MMP26: variants seen among roughly 807,000 people sequenced by gnomAD.
MMP26 encodes the protein matrix metalloproteinase-26.
A neutral mutation model predicts 31.0 loss-of-function variants in MMP26; 33 were observed. That is an observed-to-expected ratio of 1.06 (90% CI 0.81 to 1.42). The LOEUF (loss-of-function observed/expected upper bound fraction) is 1.42. MMP26 is among the 40% of genes most tolerant of loss of function. The pLI is 0.00. For synonymous variants in MMP26, 122 were observed against 114.9 expected (o/e 1.06, Z -0.40); for missense variants, 347 against 316.1 (o/e 1.10, Z -0.74).
At chr11:4,731,821 T>G (rs2133284465) in intron 1 of MMP26, among the ~76,000 whole-genome samples, 1 of 152,334 alleles carries the variant, frequency 6.6e-6, no homozygotes, top group African/African-American at 2.4e-5. Context: ...TGTGTTCATG[T>G]TTTTGTAGGT....
intron 2 of MMP26, among the ~76,000 whole-genome samples, chr11:4,941,062 AT>A (rs1194470759): frequency 6.6e-5 from 3 of 45,198 alleles, no homozygotes; most frequent in African/African-American, 2.0e-4. Context: ...ATAAAGAATG[AT>A]TTTTTAATAT....
intron 2 of MMP26, chr11:4,804,612 G>A: frequency 1.4e-6 from 1 of 713,998 alleles, no homozygotes; most frequent in South Asian, 1.4e-5. Context: ...AAATGGGGTA[G>A]AACATACTAG....
intron 2 of MMP26, among the ~76,000 whole-genome samples, chr11:4,797,716 A>C (rs1231769190): frequency 6.6e-6 from 1 of 152,224 alleles, no homozygotes; most frequent in Admixed American, 6.5e-5. Context: ...TTTATTTTTT[A>C]ATATTTCCCT....
rs201864726 is a variant in MMP26 at position 4,907,830 on chromosome 11, T to C, written c.-144-80238T>C. The C allele has an allele frequency of 2.9e-4, 471 of 1,613,734 alleles. No homozygotes were observed. The highest frequency in any genetic ancestry group is 3.4e-4 in the Non-Finnish European group (406 of 1,179,860). On this transcript the variant is annotated intron_variant, in intron 2 of 7. Coordinates refer to ENST00000380390, the MANE Select transcript of MMP26 (RefSeq NM_021801.5). ...CTTATTTTAGCCATTAGGAGCATTC[T>C]CTTAGTGATTCCATTTCCCTTCACC...
intron 2 of MMP26, among the ~76,000 whole-genome samples, chr11:4,837,203 C>T (rs1181102768): frequency 1.3e-5 from 2 of 151,708 alleles, no homozygotes; most frequent in African/African-American, 2.4e-5. Flanking sequence ...ATGTTTGCAC[C>T]AACCTAACAT....
chr11:4,854,382 A>G (rs151058405), intron 2 of MMP26, among the ~76,000 whole-genome samples: 2,852 of 152,314 alleles, frequency 0.019, 61 homozygotes, highest in Non-Finnish European at 0.029. Context: ...CGCTTTTCCA[A>G]CAGTCTTAGC....
intron 2 of MMP26, among the ~76,000 whole-genome samples, chr11:4,928,760 T>C (rs1387208623): frequency 2.0e-5 from 3 of 152,210 alleles, no homozygotes; most frequent in East Asian, 1.9e-4. Context: ...CATCTAGCCA[T>C]GTGGGATACA....
chr11:4,954,662 G>C, intron 2 of MMP26: 1 of 666,162 alleles, frequency 1.5e-6, no homozygotes, highest in Admixed American at 3.2e-5. Flanking sequence ...ATAAGTCTGT[G>C]ATAACGATAA....
chr11:4,798,525 C>T (rs759047944), intron 2 of MMP26, among the ~76,000 whole-genome samples: 18 of 152,214 alleles, frequency 1.2e-4, no homozygotes, highest in African/African-American at 2.2e-4. Context: ...CTCCATTGAA[C>T]GGAAACATAC....
intron 2 of MMP26, among the ~76,000 whole-genome samples, chr11:4,935,277 G>A (rs1372157972): frequency 2.0e-5 from 3 of 150,912 alleles, no homozygotes; most frequent in African/African-American, 7.3e-5. Flanking sequence ...AGTTCTCCTT[G>A]AAGAGGTCCT....
intron 1 of MMP26, among the ~76,000 whole-genome samples, chr11:4,722,584 C>T (rs1848029379): frequency 6.8e-6 from 1 of 148,068 alleles, no homozygotes. Context: ...GGGGTGTCCT[C>T]AGGCACTAAA....
chr11:4,799,852 G>A (rs901684406), intron 2 of MMP26, among the ~76,000 whole-genome samples: 3 of 152,234 alleles, frequency 2.0e-5, no homozygotes, highest in African/African-American at 7.2e-5. Flanking sequence ...CCAGCAGGCA[G>A]ACATTAAACC....
chr11:4,844,410 A>T (rs1849838973), intron 2 of MMP26, among the ~76,000 whole-genome samples: 1 of 152,198 alleles, frequency 6.6e-6, no homozygotes, highest in Admixed American at 6.5e-5. Context: ...TTCCACACTC[A>T]TTCTATGAGG....
intron 2 of MMP26, among the ~76,000 whole-genome samples, chr11:4,788,259 A>G (rs148807822): frequency 6.6e-6 from 1 of 151,518 alleles, no homozygotes; most frequent in East Asian, 2.0e-4. Flanking sequence ...GGTATAACAG[A>G]CTCTTAGGAG....
At chr11:4,923,424 TGA>T in intron 2 of MMP26, 21 of 1,593,150 alleles carry the variant, frequency 1.3e-5, no homozygotes, top group Non-Finnish European at 1.8e-5. Context: ...AACTTCTTAA[TGA>T]TGCGCTGGCG....
At position 4,966,203 on chromosome 11, in the gene MMP26, G is replaced by T. The variant is rs1041622644; in HGVS notation, c.-144-21865G>T. Among the ~76,000 whole-genome samples the T allele has an allele frequency of 3.3e-5, 5 of 152,296 alleles. No homozygotes were observed. The East Asian group carries it at 7.7e-4, about 24-fold the overall frequency. On this transcript the variant is annotated intron_variant, in intron 2 of 7. Transcript: ENST00000380390. ...CAGTGTGCTCTTACAATAGGGAAAA[G>T]AGATTAGACTCAACAAATACAGAAG...
At chr11:4,749,933 A>G (rs1848427660) in intron 1 of MMP26, among the ~76,000 whole-genome samples, 1 of 152,176 alleles carries the variant, frequency 6.6e-6, no homozygotes, top group Non-Finnish European at 1.5e-5. Context: ...GATAAAGGGG[A>G]CTTAATTAAA....
At chr11:4,728,949 G>A (rs1006204704) in intron 1 of MMP26, among the ~76,000 whole-genome samples, 1 of 151,582 alleles carries the variant, frequency 6.6e-6, no homozygotes, top group Non-Finnish European at 1.5e-5. Context: ...GCACGTTGAT[G>A]TATATAATAT....
intron 2 of MMP26, among the ~76,000 whole-genome samples, chr11:4,854,952 G>T (rs556064527): frequency 1.3e-5 from 2 of 152,098 alleles, no homozygotes; most frequent in Non-Finnish European, 2.9e-5. Context: ...AAGCAAACAG[G>T]GTCTGGAGCG....
Sources: gnomAD v4.1 joint callset for allele counts (sites outside exome capture counted in the v4.1 genomes callset) on GRCh38, gnomAD v4.1.1 for gene constraint, MANE v1.5 for transcripts, NCBI Gene and HGNC (gene_info 2026-07-23, HGNC 2026-07-21) for gene names.